Variants in PLCXD3 observed in about 807,000 individuals in gnomAD.
The protein encoded by PLCXD3 is PI-PLC X domain-containing protein 3.
Under a neutral mutation model 25.5 loss-of-function variants are expected in PLCXD3, and 19 were observed. That is an observed-to-expected ratio of 0.75 (90% CI 0.52 to 1.09). The LOEUF is 1.09. Among genes scored for constraint, PLCXD3 ranks in the 50% least tolerant of loss-of-function variants. The pLI, the probability that PLCXD3 is intolerant of heterozygous loss-of-function variation, is 0.00. For synonymous variants in PLCXD3, 174 were observed against 137.6 expected (o/e 1.26, Z -1.85); for missense variants, 411 against 388.1 (o/e 1.06, Z -0.50).
At chr5:41,405,298 C>T (rs1216939165) in intron 1 of PLCXD3, among the ~76,000 whole-genome samples, 2 of 152,082 alleles carry the variant, frequency 1.3e-5, no homozygotes, top group African/African-American at 4.8e-5. Context: ...GTGAAGCTTA[C>T]CCTTTTGTCT....
intron 2 of PLCXD3, among the ~76,000 whole-genome samples, chr5:41,371,188 G>GA (rs1433212579): frequency 6.6e-6 from 1 of 152,082 alleles, no homozygotes; most frequent in Non-Finnish European, 1.5e-5. Flanking sequence ...AAAGAACAAA[G>GA]AAAAAGCACA....
chr5:41,440,215 A>ATTTTTTTTTTTTTTTTTTTTTTTT (rs70988846), intron 1 of PLCXD3, among the ~76,000 whole-genome samples: 9 of 41,078 alleles, frequency 2.2e-4, no homozygotes, highest in Non-Finnish European at 3.0e-4. Context: ...TAATCTCTCA[A>ATTTTTTTTTTTTTTTTTTTTTTTT]TTTTTTTTTT....
At chr5:41,315,712 G>A (rs1400160929) in intron 2 of PLCXD3, among the ~76,000 whole-genome samples, 1 of 152,152 alleles carries the variant, frequency 6.6e-6, no homozygotes, top group Non-Finnish European at 1.5e-5. Flanking sequence ...CACCAGCAAT[G>A]GCCTGTTGTG....
In PLCXD3 at chr5:41,353,491, T is replaced by A. The variant is rs80184248; in HGVS notation, c.812+28335A>T. Among the ~76,000 whole-genome samples the A allele has an allele frequency of 3.6e-4, 55 of 152,314 alleles. No individual in the cohort carries two copies. The East Asian group carries it at 6.8e-3, about 19-fold the overall frequency. Reference sequence around the variant, plus strand: ...ATAAGTAGGATTTCCTGGGATATGGTCTGAGGTCAGTAAACACCTTGTATG... The same window carrying A: ...ATAAGTAGGATTTCCTGGGATATGGACTGAGGTCAGTAAACACCTTGTATG... On this transcript the variant is annotated intron_variant, in intron 2 of 2. Transcript: ENST00000377801.
intron 1 of PLCXD3, among the ~76,000 whole-genome samples, chr5:41,411,782 T>G (rs1486570717): frequency 1.3e-5 from 2 of 150,086 alleles, no homozygotes; most frequent in Non-Finnish European, 3.0e-5. Context: ...TATAATAGTT[T>G]TGGTCATATA....
At chr5:41,362,830 A>C (rs541689114) in intron 2 of PLCXD3, among the ~76,000 whole-genome samples, 5 of 152,010 alleles carry the variant, frequency 3.3e-5, no homozygotes, top group African/African-American at 1.2e-4. Context: ...CACTTGGTTT[A>C]GGGTCATTCT....
chr5:41,352,444 G>C (rs1363045137), intron 2 of PLCXD3, among the ~76,000 whole-genome samples: 1 of 152,164 alleles, frequency 6.6e-6, no homozygotes, highest in Non-Finnish European at 1.5e-5. Flanking sequence ...CATGAGGGCA[G>C]GGACAGTATC....
intron 2 of PLCXD3, among the ~76,000 whole-genome samples, chr5:41,325,060 A>G (rs1186343927): frequency 6.6e-6 from 1 of 152,228 alleles, no homozygotes; most frequent in African/African-American, 2.4e-5. Context: ...GCCTGAATTT[A>G]GAACAACTAA....
chr5:41,459,637 A>G (rs1172039877), intron 1 of PLCXD3, among the ~76,000 whole-genome samples: 1 of 151,784 alleles, frequency 6.6e-6, no homozygotes, highest in Admixed American at 6.6e-5. Flanking sequence ...AGAACTGCCA[A>G]CTAGATAGCC....
chr5:41,505,473 A>T (rs1749035091), intron 1 of PLCXD3, among the ~76,000 whole-genome samples: 1 of 152,188 alleles, frequency 6.6e-6, no homozygotes, highest in African/African-American at 2.4e-5. Flanking sequence ...GCATTATTTC[A>T]TGATGCCACT....
chr5:41,310,163 A>C lies in PLCXD3; in HGVS notation c.*3454T>G, dbSNP rs981282279. On this transcript the variant is annotated 3_prime_UTR_variant, in exon 3 of 3. Coordinates refer to ENST00000377801, the MANE Select transcript of PLCXD3 (RefSeq NM_001005473.3). ...TTGAGGTCATCATATAGAATATCCT[A>C]AGGCTTTTAAAAGATGCCTCCTCAT... 2.0e-5 allele frequency: 3 copies of C among 152,136 alleles called. No individual in the cohort carries two copies. The highest frequency in any genetic ancestry group is 4.4e-5 in the Non-Finnish European group (3 of 68,006). 9.4% of individuals were successfully genotyped at this position (152,136 alleles called of 1,614,324 possible).
At chr5:41,417,029 C>G (rs1000369314) in intron 1 of PLCXD3, among the ~76,000 whole-genome samples, 1 of 152,156 alleles carries the variant, frequency 6.6e-6, no homozygotes, top group African/African-American at 2.4e-5. Flanking sequence ...TAAGGTTGAT[C>G]TAGTAGATGT....
At chr5:41,363,541 A>G (rs1030095963) in intron 2 of PLCXD3, among the ~76,000 whole-genome samples, 1 of 152,158 alleles carries the variant, frequency 6.6e-6, no homozygotes, top group African/African-American at 2.4e-5. Flanking sequence ...ATGACTGTTC[A>G]CTTATCCCAT....
chr5:41,431,133 C>T (rs894947015), intron 1 of PLCXD3, among the ~76,000 whole-genome samples: 12 of 152,194 alleles, frequency 7.9e-5, no homozygotes, highest in Non-Finnish European at 1.6e-4. Flanking sequence ...CTGGGCTGAC[C>T]TCATCAGTCT....
At chr5:41,405,384 C>T (rs1746320754) in intron 1 of PLCXD3, among the ~76,000 whole-genome samples, 1 of 152,060 alleles carries the variant, frequency 6.6e-6, no homozygotes, top group Non-Finnish European at 1.5e-5. Flanking sequence ...AGCCTTTTAC[C>T]CATAGTTGTC....
intron 1 of PLCXD3, among the ~76,000 whole-genome samples, chr5:41,445,358 G>A (rs1340455290): frequency 6.6e-6 from 1 of 152,310 alleles, no homozygotes; most frequent in South Asian, 2.1e-4. Context: ...AAATTATGCT[G>A]ATTAGGATGT....
At chr5:41,444,767 A>C (rs1747457894) in intron 1 of PLCXD3, among the ~76,000 whole-genome samples, 1 of 152,202 alleles carries the variant, frequency 6.6e-6, no homozygotes, top group Non-Finnish European at 1.5e-5. Context: ...CAGAGACACA[A>C]GAAAATTACT....
At chr5:41,319,964 G>A (rs1561230453) in intron 2 of PLCXD3, among the ~76,000 whole-genome samples, 1 of 152,038 alleles carries the variant, frequency 6.6e-6, no homozygotes, top group Middle Eastern at 3.4e-3. Flanking sequence ...TTCATTAGTG[G>A]CTACTATGAG....
intron 1 of PLCXD3, among the ~76,000 whole-genome samples, chr5:41,484,129 A>G (rs1748468236): frequency 1.3e-5 from 2 of 152,020 alleles, no homozygotes; most frequent in African/African-American, 2.4e-5. Flanking sequence ...TTTAATATAA[A>G]CATTAGGGGT....
Sources: gnomAD v4.1 joint callset for allele counts (sites outside exome capture counted in the v4.1 genomes callset) on GRCh38, gnomAD v4.1.1 for gene constraint, MANE v1.5 for transcripts, NCBI Gene and HGNC (gene_info 2026-07-23, HGNC 2026-07-21) for gene names.